Variants in UST observed in about 807,000 individuals in gnomAD.
UST encodes the protein chondroitin sulfate 2-O-sulfotransferase.
UST carries 21 observed loss-of-function variants against 45.6 expected under a neutral mutation model. The ratio of observed to expected loss-of-function variants is 0.46; its 90% confidence interval spans 0.33 to 0.66. UST has a LOEUF of 0.66. Among genes scored for constraint, UST ranks in the 30% least tolerant of loss-of-function variants. The pLI is 0.02. For missense variants in UST, 463 were observed against 512.4 expected (o/e 0.90, Z 0.93); for synonymous variants, 215 against 200.6 (o/e 1.07, Z -0.61).
intron 1 of UST, among the ~76,000 whole-genome samples, chr6:148,864,203 G>T (rs1778378453): frequency 6.6e-6 from 1 of 152,210 alleles, no homozygotes; most frequent in South Asian, 2.1e-4. Context: ...CTCAGCAATG[G>T]CAGGCGCCCC....
intron 1 of UST, among the ~76,000 whole-genome samples, chr6:148,763,597 C>T (rs943647447): frequency 6.6e-6 from 1 of 152,014 alleles, no homozygotes; most frequent in African/African-American, 2.4e-5. Context: ...AAGAGTTTTT[C>T]CTAGGTTTTC....
At chr6:148,925,740 G>A (rs1257282612) in intron 2 of UST, among the ~76,000 whole-genome samples, 1 of 152,204 alleles carries the variant, frequency 6.6e-6, no homozygotes, top group Non-Finnish European at 1.5e-5. Flanking sequence ...AACCTTGAGA[G>A]CAACTCTCAC....
intron 1 of UST, among the ~76,000 whole-genome samples, chr6:148,782,020 C>T (rs1776653317): frequency 6.6e-6 from 1 of 152,232 alleles, no homozygotes; most frequent in East Asian, 1.9e-4. Context: ...GCTAGCACAA[C>T]ATCCATTCTG....
intron 1 of UST, among the ~76,000 whole-genome samples, chr6:148,869,428 G>C (rs1353064993): frequency 6.6e-6 from 1 of 152,160 alleles, no homozygotes; most frequent in Non-Finnish European, 1.5e-5. Context: ...GTGTTAGGTT[G>C]CTAGTTAATT....
rs550786572 is a variant in UST at position 149,060,790 on chromosome 6, TAGAC to T, written c.938-13040_938-13037del. ...ACCTGAGATGAGTAAGTCAGTTTCT[TAGAC>T]AGGGCGCTTCTTAAAACAGCAAGGC... On this transcript the variant is annotated intron_variant, in intron 7 of 7. Transcript: ENST00000367463. 2.8e-4 allele frequency among the ~76,000 whole-genome samples: 43 copies of T among 152,314 alleles called. 1 individual carries two copies. Among genetic ancestry groups the T allele is most frequent in the African/African-American group, 8.4e-4 (35 of 41,580 alleles).
chr6:148,981,174 A>G (rs193271659), intron 5 of UST, among the ~76,000 whole-genome samples: 36 of 152,274 alleles, frequency 2.4e-4, no homozygotes, highest in Non-Finnish European at 4.3e-4. Flanking sequence ...TTTTTCCTGA[A>G]GTCACACTAT....
At chr6:148,960,320 G>A (rs1416195975) in intron 4 of UST, among the ~76,000 whole-genome samples, 2 of 152,066 alleles carry the variant, frequency 1.3e-5, no homozygotes, top group Admixed American at 6.6e-5. Context: ...ACCCCTCTCC[G>A]CCTCAGCCAC....
At chr6:148,946,675 G>A (rs1347822361) in intron 3 of UST, among the ~76,000 whole-genome samples, 8 of 150,506 alleles carry the variant, frequency 5.3e-5, no homozygotes, top group African/African-American at 2.0e-4. Flanking sequence ...TTAGCCGGGC[G>A]TGGTGGCGGG....
At chr6:148,852,759 C>A (rs913792449) in intron 1 of UST, among the ~76,000 whole-genome samples, 14 of 152,128 alleles carry the variant, frequency 9.2e-5, no homozygotes, top group African/African-American at 3.4e-4. Flanking sequence ...TTGCTGACCG[C>A]CCTGAGCCTG....
intron 1 of UST, among the ~76,000 whole-genome samples, chr6:148,839,671 C>T (rs1777853844): frequency 6.6e-6 from 1 of 152,138 alleles, no homozygotes; most frequent in Non-Finnish European, 1.5e-5. Flanking sequence ...TGGATCCCAC[C>T]AAAAATGGAT....
At chr6:148,946,432 A>G (rs1373836110) in intron 3 of UST, among the ~76,000 whole-genome samples, 1 of 147,308 alleles carries the variant, frequency 6.8e-6, no homozygotes, top group Non-Finnish European at 1.5e-5. Context: ...AATCACTTGA[A>G]CCCAGGAGGC....
intron 1 of UST, among the ~76,000 whole-genome samples, chr6:148,854,338 G>A (rs1778161973): frequency 6.6e-6 from 1 of 152,196 alleles, no homozygotes; most frequent in Non-Finnish European, 1.5e-5. Context: ...GTTGGAACTT[G>A]CCCAATCTAT....
At chr6:148,759,847 CAAAAA>C (rs71554421) in intron 1 of UST, among the ~76,000 whole-genome samples, 5 of 59,204 alleles carry the variant, frequency 8.4e-5, no homozygotes, top group African/African-American at 7.8e-5. Flanking sequence ...GACTCTGTCT[CAAAAA>C]AAAAAAAAAA....
intron 1 of UST, among the ~76,000 whole-genome samples, chr6:148,809,223 G>A (rs1342634069): frequency 6.6e-6 from 1 of 152,226 alleles, no homozygotes; most frequent in Non-Finnish European, 1.5e-5. Flanking sequence ...TGTGGAAAAA[G>A]AGTAGGCAGT....
chr6:148,797,901 A>G (rs541317805), intron 1 of UST, among the ~76,000 whole-genome samples: 6 of 152,262 alleles, frequency 3.9e-5, no homozygotes, highest in African/African-American at 7.2e-5. Context: ...ATGAGGCCAG[A>G]TAGGTAAGCA....
chr6:148,910,621 C>T (rs868330623), intron 2 of UST, among the ~76,000 whole-genome samples: 76 of 152,262 alleles, frequency 5.0e-4, no homozygotes, highest in African/African-American at 1.7e-3. Context: ...TCTTTCTCTC[C>T]TGCTGTCTCA....
chr6:148,937,931 C>G (rs1220769331), intron 2 of UST, among the ~76,000 whole-genome samples: 1 of 152,210 alleles, frequency 6.6e-6, no homozygotes. Context: ...TACCATTAAA[C>G]TAAACATGAA....
chr6:148,984,517 C>CATTT (rs1180212875), intron 5 of UST, among the ~76,000 whole-genome samples: 1 of 152,154 alleles, frequency 6.6e-6, no homozygotes, highest in Non-Finnish European at 1.5e-5. Context: ...ATAGGATTTG[C>CATTT]ATTTATTTAT....
intron 1 of UST, among the ~76,000 whole-genome samples, chr6:148,764,495 A>G (rs1354946304): frequency 3.3e-5 from 5 of 152,022 alleles, no homozygotes; most frequent in African/African-American, 9.7e-5. Context: ...TTCTCTTGCT[A>G]TCAGGGGAAC....
Sources: gnomAD v4.1 joint callset for allele counts (sites outside exome capture counted in the v4.1 genomes callset) on GRCh38, gnomAD v4.1.1 for gene constraint, MANE v1.5 for transcripts, NCBI Gene and HGNC (gene_info 2026-07-23, HGNC 2026-07-21) for gene names.